The following NIPBL variants were observed in gnomAD, a reference collection of about 807,000 sequenced individuals.
NIPBL encodes nipped-B-like protein.
In NIPBL, 19 loss-of-function variants were observed where a neutral mutation model predicts 321.8. The observed-to-expected ratio is 0.06, with a 90% CI of 0.04 to 0.09. NIPBL has a LOEUF of 0.09. Ranked by LOEUF, NIPBL falls within the 10% of genes least tolerant of loss-of-function variation. NIPBL has a pLI of 1.00. For missense variants in NIPBL, 2,210 were observed against 3,327.0 expected (o/e 0.66, Z 8.26); for synonymous variants, 1,106 against 1,114.1 (o/e 0.99, Z 0.14).
chr5:36,912,595 G>A (rs892493414), intron 1 of NIPBL, among the ~76,000 whole-genome samples: 2 of 150,736 alleles, frequency 1.3e-5, no homozygotes, highest in South Asian at 2.1e-4. Context: ...TCCGCCTCCC[G>A]GATTCAAGCG....
chr5:37,026,514 T>C (rs904432849), intron 31 of NIPBL, among the ~76,000 whole-genome samples, 187 bp downstream of exon 31: 2 of 152,188 alleles, frequency 1.3e-5, no homozygotes, highest in South Asian at 2.1e-4. Flanking sequence ...TGCTTCCATA[T>C]AGCCCTACTT....
intron 9 of NIPBL, among the ~76,000 whole-genome samples, chr5:36,983,306 A>G (rs1744356255): frequency 6.6e-6 from 1 of 151,948 alleles, no homozygotes; most frequent in Non-Finnish European, 1.5e-5. Flanking sequence ...TTAGTTTTAC[A>G]AAATATAACT....
chr5:37,063,769 A>G, intron 45 of NIPBL, 21 bp from the exon 46 acceptor site: 1 of 1,599,588 alleles, frequency 6.3e-7, no homozygotes, highest in Non-Finnish European at 8.5e-7. Flanking sequence ...AAAATTCTGA[A>G]ATAATATCTG....
chr5:37,023,631 G>T (rs764359584), intron 29 of NIPBL, among the ~76,000 whole-genome samples: 1 of 151,684 alleles, frequency 6.6e-6, no homozygotes, highest in Non-Finnish European at 1.5e-5. Flanking sequence ...CTAGTTCTTA[G>T]ATCCTCCATT....
intron 1 of NIPBL, among the ~76,000 whole-genome samples, chr5:36,924,580 T>C (rs1268315526): frequency 2.0e-5 from 3 of 152,202 alleles, no homozygotes; most frequent in Non-Finnish European, 2.9e-5. Context: ...GTATCCACAA[T>C]GTCTGGTACC....
Position 37,026,277 on chromosome 5 carries a change from C to T in NIPBL, c.5758C>T (p.His1920Tyr). 6.2e-7 allele frequency: 1 copy of T among 1,612,144 alleles called. No homozygotes were observed. Among genetic ancestry groups the T allele is most frequent in the East Asian group, 2.2e-5 (1 of 44,822 alleles). Residue 1920 changes from histidine to tyrosine, a missense_variant, in exon 31 of 47, where the codon CAC becomes TAC. Physicochemically the swap from His to Tyr is moderately conservative, Grantham distance 83. Transcript: ENST00000282516. ...GAAACTCTGGTTTACTCCAACTCCACACAATGACAAAGAAGCAATGACAAG... is the reference window on the plus strand; with the variant it reads ...GAAACTCTGGTTTACTCCAACTCCATACAATGACAAAGAAGCAATGACAAG... ...FQKLWFTPTP[H>Y]NDKEAMTRKI... is the part of the protein sequence containing the mutation.
intron 12 of NIPBL, 52 bp downstream of exon 12, chr5:37,000,622 G>T (rs747267495): frequency 4.5e-6 from 7 of 1,562,160 alleles, no homozygotes; most frequent in Non-Finnish European, 6.2e-6. Context: ...TAAATTTAGG[G>T]CTTTAACTTT....
Position 37,064,646 on chromosome 5 carries a change from A to G in NIPBL, c.8169A>G (p.Gln2723=), listed in dbSNP as rs1162934633. 6.2e-7 allele frequency: 1 copy of G among 1,614,142 alleles called. No individual in the cohort carries two copies. Among genetic ancestry groups the G allele is most frequent in the Non-Finnish European group, 8.5e-7 (1 of 1,180,022 alleles). ...ICCPKYKDRP[Q]IARVVQKTSS... is the part of the protein sequence containing the mutation. ...GTCCAAAGTACAAAGATCGACCACA[A>G]ATTGCAAGAGTAGTGCAGAAAACCA... The change falls in exon 47 of 47, where the codon CAA becomes CAG. Residue 2723 remains glutamine, a synonymous_variant. Transcript: ENST00000282516.
chr5:36,910,375 CTAAT>C (rs148346460), intron 1 of NIPBL, among the ~76,000 whole-genome samples: 5,092 of 152,190 alleles, frequency 0.033, 304 homozygotes, highest in African/African-American at 0.12. Context: ...GATCTAGTAA[CTAAT>C]GGGGCAATAA....
chr5:37,042,756 G>A (rs1390169231), intron 34 of NIPBL, among the ~76,000 whole-genome samples: 3 of 151,704 alleles, frequency 2.0e-5, no homozygotes, highest in African/African-American at 7.3e-5. Flanking sequence ...AACTCAGGAG[G>A]CGGAGGTTGC....
intron 3 of NIPBL, 103 bp from the exon 4 acceptor site, chr5:36,958,001 A>AT: frequency 1.8e-5 from 18 of 984,678 alleles, no homozygotes; most frequent in Non-Finnish European, 2.2e-5. Context: ...AAAAAAAAAA[A>AT]TTCATATTGT....
chr5:36,905,200 G>T (rs1747537252), intron 1 of NIPBL, among the ~76,000 whole-genome samples: 1 of 152,186 alleles, frequency 6.6e-6, no homozygotes, highest in African/African-American at 2.4e-5. Context: ...TAGTTGGAAA[G>T]GGGTAATAAG....
Position 37,001,073 on chromosome 5 carries a change from C to A in NIPBL, c.3659C>A (p.Ala1220Glu), listed in dbSNP as rs1360432003. 3 of 1,593,066 alleles carry A rather than the reference C, an allele frequency of 1.9e-6. No homozygotes were observed. Among genetic ancestry groups the A allele is most frequent in the South Asian group, 2.2e-5 (2 of 90,610 alleles). The change falls in exon 14 of 47, where the codon GCG (alanine) becomes GAG (glutamate). Residue 1220 changes from alanine to glutamate, a missense_variant. Around this residue, in one of 14 missense-constraint regions of NIPBL, gnomAD observed 381 missense variants for 642.3 expected, o/e 0.59. Coordinates refer to ENST00000282516, the MANE Select transcript of NIPBL (RefSeq NM_133433.4). ...AATTTGGAAGATATGGATTTTACTG[C>A]GTTTGGTAAAATCAACTTAAAATAC... ...LDNLEDMDFTAFGDDDEIPQE... is the reference protein window; with the variant it reads ...LDNLEDMDFTEFGDDDEIPQE...
intron 33 of NIPBL, among the ~76,000 whole-genome samples, chr5:37,036,832 T>G (rs1163106998): frequency 6.6e-6 from 1 of 151,942 alleles, no homozygotes; most frequent in African/African-American, 2.4e-5. Context: ...AACTGATATC[T>G]CCTAAGTCAT....
chr5:36,985,244 A>G lies in NIPBL; in HGVS notation c.2064A>G (p.Gln688=), dbSNP rs1259535458. ...ACACAAAACCAAATGACAACAAACA[A>G]AATAATGGCAGATCAGAAACAACAA... ...LSDTKPNDNK[Q]NNGRSETTKS... Residue 688 remains glutamine (Q), a synonymous_variant, in exon 10 of 47, where the codon CAA becomes CAG. Transcript: ENST00000282516. The G allele has an allele frequency of 1.9e-6, 3 of 1,613,802 alleles. No homozygotes were observed. In the South Asian group the frequency reaches 3.3e-5, roughly 18 times the overall value.
intron 25 of NIPBL, among the ~76,000 whole-genome samples, chr5:37,020,166 T>C (rs935089650): frequency 6.6e-6 from 1 of 152,234 alleles, no homozygotes; most frequent in Non-Finnish European, 1.5e-5. Context: ...TGTCATGATG[T>C]TGTCCTTGAT....
chr5:36,901,890 C>A (rs114126449), intron 1 of NIPBL, among the ~76,000 whole-genome samples: 32 of 152,262 alleles, frequency 2.1e-4, no homozygotes, highest in African/African-American at 7.5e-4. Flanking sequence ...TATAAGCATT[C>A]CCTTTTCTCC....
chr5:36,943,985 T>C (rs1288332490), intron 1 of NIPBL, among the ~76,000 whole-genome samples: 1 of 151,994 alleles, frequency 6.6e-6, no homozygotes, highest in Non-Finnish European at 1.5e-5. Flanking sequence ...TAAAAACACA[T>C]ATGGTTGTGG....
intron 9 of NIPBL, among the ~76,000 whole-genome samples, chr5:36,982,585 A>G (rs62354962): frequency 0.025 from 3,784 of 151,918 alleles, 73 homozygotes; most frequent in Middle Eastern, 0.054. Context: ...TTGTGTGCAA[A>G]TACTTTCATA....
Sources: gnomAD v4.1 joint callset for allele counts (sites outside exome capture counted in the v4.1 genomes callset) on GRCh38, gnomAD v4.1.1 for gene constraint, gnomAD v4.1.1 regional missense constraint, MANE v1.5 for transcripts, NCBI Gene and HGNC (gene_info 2026-07-23, HGNC 2026-07-21) for gene names.